Variants in STIL observed in about 807,000 individuals in gnomAD.
STIL encodes STIL centriolar assembly protein, also known as SCL-interrupting locus protein.
In STIL, 55 loss-of-function variants were observed where a neutral mutation model predicts 110.1. The observed-to-expected ratio is 0.50, with a 90% CI of 0.40 to 0.63. The LOEUF is 0.63. Ranked by LOEUF, STIL falls within the 20% of genes least tolerant of loss-of-function variation. The pLI is 0.00. For synonymous variants in STIL, 481 were observed against 530.0 expected, an observed-to-expected ratio of 0.91 and a Z score of 1.27; for missense variants, 1,358 against 1,530.0, an observed-to-expected ratio of 0.89 and a Z score of 1.87.
rs1363362666 is a variant in STIL at position 47,304,932 on chromosome 1, T to C, written c.109A>G (p.Thr37Ala). The change falls in exon 3 of 17, where the codon ACG becomes GCG. Residue 37 changes from threonine to alanine, a missense_variant. Thr to Ala is a moderately conservative substitution (Grantham distance 58). Transcript: ENST00000371877. ...AAGTAGATGAAATCTCCAGTTGGCG[T>C]TGGGTTCCAAAGTGCACATTTTGAT... ...PPSKCALWNP[T>A]PTGDFIYLHL... 2 of 1,614,042 alleles carry C rather than the reference T, an allele frequency of 1.2e-6. No homozygotes were observed. The highest frequency in any genetic ancestry group is 1.7e-6 in the Non-Finnish European group (2 of 1,179,976).
At position 47,270,220 on chromosome 1, in the gene STIL, T is replaced by G. The variant is rs1381225529; in HGVS notation, c.2384-354A>C. Among the ~76,000 whole-genome samples, 6 of 110,232 alleles carry G rather than the reference T, an allele frequency of 5.4e-5. No homozygotes were observed. In the East Asian group the frequency reaches 1.5e-3, roughly 27 times the overall value. 72.3% of individuals were successfully genotyped at this position (110,232 alleles called of 152,430 possible). ...GCTACTGCATTCCAGCCTGGGCAAC[T>G]CTGGCTCAAAAAAAAAAAAAAATAT... On this transcript the variant is annotated intron_variant, in intron 13 of 16. Coordinates refer to ENST00000371877, the MANE Select transcript of STIL (RefSeq NM_001048166.1).
intron 9 of STIL, among the ~76,000 whole-genome samples, chr1:47,288,143 G>A (rs989051398): frequency 6.7e-6 from 1 of 149,612 alleles, no homozygotes; most frequent in Non-Finnish European, 1.5e-5. Flanking sequence ...TACTAAATAC[G>A]ATCTGAGTGG....
At chr1:47,275,435 C>T (rs1049292121) in intron 12 of STIL, among the ~76,000 whole-genome samples, 10 of 151,786 alleles carry the variant, frequency 6.6e-5, no homozygotes, top group South Asian at 6.2e-4. Context: ...GGTAAAACCC[C>T]GTCTCTACTA....
At chr1:47,278,043 C>T (rs1645040732) in intron 12 of STIL, among the ~76,000 whole-genome samples, 2 of 152,010 alleles carry the variant, frequency 1.3e-5, no homozygotes, top group African/African-American at 4.8e-5. Flanking sequence ...ATGAGATTTG[C>T]AATACTAGAA....
intron 6 of STIL, among the ~76,000 whole-genome samples, chr1:47,296,631 C>T (rs1036474959): frequency 1.3e-5 from 2 of 151,944 alleles, no homozygotes; most frequent in African/African-American, 2.4e-5. Flanking sequence ...TGGCAAAACC[C>T]CATCTCTACT....
chr1:47,313,359 C>G (rs1167186689), intron 1 of STIL, among the ~76,000 whole-genome samples: 1 of 152,052 alleles, frequency 6.6e-6, no homozygotes, highest in Non-Finnish European at 1.5e-5. Flanking sequence ...TTTTAAAAAG[C>G]CGATGGCTCT....
At chr1:47,285,527 G>A (rs1645271977) in intron 10 of STIL, among the ~76,000 whole-genome samples, 1 of 151,958 alleles carries the variant, frequency 6.6e-6, no homozygotes, top group African/African-American at 2.4e-5. Context: ...GCATGATCTC[G>A]GCTCACTACA....
intron 1 of STIL, among the ~76,000 whole-genome samples, chr1:47,312,228 C>T (rs998536228): frequency 8.6e-5 from 13 of 151,680 alleles, no homozygotes; most frequent in Admixed American, 4.6e-4. Flanking sequence ...CGGTAGCTCA[C>T]GCCTGTAATC....
chr1:47,282,233 G>A (rs574128940), intron 11 of STIL, 112 bp downstream of exon 11: 11 of 732,666 alleles, frequency 1.5e-5, no homozygotes, highest in South Asian at 1.4e-4. Flanking sequence ...GAAATAGCTA[G>A]ATATATCTAA....
chr1:47,260,209 G>C, intron 16 of STIL, 80 bp downstream of exon 16: 1 of 1,359,546 alleles, frequency 7.4e-7, no homozygotes, highest in Non-Finnish European at 1.0e-6. Flanking sequence ...TATTCATCTA[G>C]CCAATGATGG....
chr1:47,270,644 T>C lies in STIL; in HGVS notation c.2384-778A>G, dbSNP rs141850206. Among the ~76,000 whole-genome samples, 18 of 148,498 alleles carry C rather than the reference T, an allele frequency of 1.2e-4. No individual in the cohort carries two copies. In the East Asian group the frequency reaches 3.3e-3, roughly 27 times the overall value. On this transcript the variant is annotated intron_variant, in intron 13 of 16. Coordinates refer to ENST00000371877, the MANE Select transcript of STIL (RefSeq NM_001048166.1). Reference sequence around the variant, plus strand: ...TAATATCTGTAATATCAGGCAGGTATTAAAAAAAATCAAGTGTTTCCCAAT... The same window carrying C: ...TAATATCTGTAATATCAGGCAGGTACTAAAAAAAATCAAGTGTTTCCCAAT...
intron 14 of STIL, among the ~76,000 whole-genome samples, chr1:47,264,535 A>C (rs1275499580): frequency 6.6e-6 from 1 of 152,184 alleles, no homozygotes; most frequent in Non-Finnish European, 1.5e-5. Context: ...ACTACATACC[A>C]CTACTCACTG....
intron 9 of STIL, among the ~76,000 whole-genome samples, chr1:47,287,996 A>G (rs1645354332): frequency 6.7e-6 from 1 of 148,626 alleles, no homozygotes; most frequent in Non-Finnish European, 1.5e-5. Context: ...CCTATAAAAT[A>G]TAAAATGTAT....
At chr1:47,266,793 C>T (rs1041995184) in intron 14 of STIL, among the ~76,000 whole-genome samples, 12 of 152,126 alleles carry the variant, frequency 7.9e-5, no homozygotes, top group Admixed American at 3.3e-4. Context: ...CAGTTCTCCA[C>T]GAAACAATTA....
Position 47,251,351 on chromosome 1 carries a change from A to C in STIL, c.3652T>G (p.Phe1218Val), listed in dbSNP as rs752295012. The change falls in exon 17 of 17, where the codon TTC becomes GTC. Residue 1218 changes from phenylalanine to valine, a missense_variant. Phe to Val is a conservative substitution (Grantham distance 50). Coordinates refer to ENST00000371877, the MANE Select transcript of STIL (RefSeq NM_001048166.1). The part of the protein sequence containing the change: ...AKQQLTEKPA[F>V]LVKNLKPSPA... Reference sequence around the variant, plus strand: ...CTTGGTTTAAGGTTCTTTACTAAGAAAGCTGGCTTTTCAGTCAACTGCTGT... The same window carrying C: ...CTTGGTTTAAGGTTCTTTACTAAGACAGCTGGCTTTTCAGTCAACTGCTGT... 1 of 1,614,230 alleles carries C rather than the reference A, an allele frequency of 6.2e-7. No homozygotes were observed. Among genetic ancestry groups the C allele is most frequent in the Admixed American group, 1.7e-5 (1 of 60,026 alleles).
At chr1:47,271,936 A>T in intron 13 of STIL, 140 bp downstream of exon 13, 1 of 814,028 alleles carries the variant, frequency 1.2e-6, no homozygotes, top group Non-Finnish European at 1.9e-6. Context: ...CTAAAATCAC[A>T]CAAAAACTTA....
At chr1:47,301,802 T>G in intron 4 of STIL, 54 bp from the exon 5 acceptor site, 1 of 1,555,594 alleles carries the variant, frequency 6.4e-7, no homozygotes, top group Non-Finnish European at 8.8e-7. Flanking sequence ...AAACATAAAA[T>G]CAACCAAGCA....
rs765764632 is a variant in STIL at position 47,276,106 on chromosome 1, G to A, written c.2218-3865C>T. On this transcript the variant is annotated intron_variant, in intron 12 of 16. Transcript: ENST00000371877. ...CAATTTCCGCCTCTGAGGTTCAAGC[G>A]ATTCTCATGCCTCAGCCTCCTAAGT... Among the ~76,000 whole-genome samples, 8 of 151,604 alleles carry A rather than the reference G, an allele frequency of 5.3e-5. No individual in the cohort carries two copies. The East Asian group carries it at 5.8e-4, about 11-fold the overall frequency.
chr1:47,295,604 T>C (rs1645620114), intron 7 of STIL, among the ~76,000 whole-genome samples, 161 bp downstream of exon 7: 1 of 152,126 alleles, frequency 6.6e-6, no homozygotes, highest in Non-Finnish European at 1.5e-5. Flanking sequence ...TAAAATCTTA[T>C]TTTAGCTGAT....
Sources: allele counts gnomAD v4.1 joint callset (sites outside exome capture counted in the v4.1 genomes callset), GRCh38; gene constraint gnomAD v4.1.1; transcripts MANE v1.5; gene names NCBI Gene and HGNC (gene_info 2026-07-23, HGNC 2026-07-21).